Variants in SREK1 observed in about 807,000 individuals in gnomAD.
The protein encoded by SREK1 is splicing regulatory glutamine/lysine-rich protein 1.
Under a neutral mutation model 66.5 loss-of-function variants are expected in SREK1, and 13 were observed. That is an observed-to-expected ratio of 0.20 (90% confidence interval 0.13 to 0.31). The LOEUF is 0.31. Among genes scored for constraint, SREK1 ranks in the 10% least tolerant of loss-of-function variants. SREK1 has a pLI of 1.00. For synonymous variants in SREK1, 265 were observed against 263.5 expected, an observed-to-expected ratio of 1.01 and a Z score of -0.05; for missense variants, 607 against 769.6, an observed-to-expected ratio of 0.79 and a Z score of 2.50.
At position 66,144,531 on chromosome 5, in the gene SREK1, C is replaced by T; in HGVS notation, c.155C>T (p.Pro52Leu). The change falls in exon 1 of 12, where the codon CCC (proline) becomes CTC (leucine). Residue 52 changes from proline to leucine, a missense_variant. Around this residue, in one of 5 missense-constraint regions of SREK1, gnomAD observed 75 missense variants for 72.9 expected, o/e 1.03. Coordinates refer to ENST00000334121, the MANE Select transcript of SREK1 (RefSeq NM_001077199.3). ...LGEIEELRLY[P>L]PDNAPLAFSS... is the part of the protein sequence containing the mutation. Reference sequence around the variant, plus strand: ...GAAATCGAGGAGCTGCGGCTCTACCCCCCGGAGTAAGTGCTGGAGCTCGGC... The same window carrying T: ...GAAATCGAGGAGCTGCGGCTCTACCTCCCGGAGTAAGTGCTGGAGCTCGGC... The T allele has an allele frequency of 1.3e-6, 2 of 1,551,998 alleles. No individual in the cohort carries two copies. Among genetic ancestry groups the T allele is most frequent in the Non-Finnish European group, 1.7e-6 (2 of 1,147,224 alleles).
At chr5:66,174,444 A>G (rs1745893149) in intron 9 of SREK1, among the ~76,000 whole-genome samples, 1 of 152,168 alleles carries the variant, frequency 6.6e-6, no homozygotes, top group Admixed American at 6.5e-5. Context: ...ATGCTTTTTA[A>G]GTAGACATTG....
At chr5:66,156,837 C>T (rs1561498706) in intron 2 of SREK1, 1 of 985,110 alleles carries the variant, frequency 1.0e-6, no homozygotes, top group African/African-American at 1.7e-5. Context: ...TTTTTGTTAG[C>T]TTGAATTTTT....
chr5:66,174,700 G>T, intron 9 of SREK1: 1 of 304,072 alleles, frequency 3.3e-6, no homozygotes, highest in Non-Finnish European at 6.0e-6. Flanking sequence ...AAAAGGAGGA[G>T]GTCTTCTACT....
intron 1 of SREK1, among the ~76,000 whole-genome samples, chr5:66,148,304 A>G (rs776570630): frequency 4.6e-5 from 7 of 150,970 alleles, no homozygotes; most frequent in Non-Finnish European, 1.0e-4. Context: ...TCTGTCCTCT[A>G]AAGGATGTGT....
At chr5:66,160,140 G>A (rs1371661330) in intron 3 of SREK1, among the ~76,000 whole-genome samples, 1 of 151,646 alleles carries the variant, frequency 6.6e-6, no homozygotes, top group Admixed American at 6.6e-5. Context: ...AAAAAAAAAG[G>A]GTATATTACT....
intron 2 of SREK1, chr5:66,156,592 T>TA: frequency 4.1e-6 from 4 of 968,680 alleles, no homozygotes; most frequent in Non-Finnish European, 4.9e-6. Context: ...TTTTCCCCCC[T>TA]AGTCTACATC....
intron 7 of SREK1, chr5:66,168,372 TA>T (rs751499106): frequency 6.6e-5 from 10 of 152,188 alleles, no homozygotes; most frequent in Non-Finnish European, 1.5e-4. Flanking sequence ...TTTTTTCTTT[TA>T]TTTTTTTGCG....
chr5:66,173,913 T>C (rs771190455), intron 9 of SREK1, among the ~76,000 whole-genome samples: 6 of 152,154 alleles, frequency 3.9e-5, no homozygotes, highest in Admixed American at 1.3e-4. Flanking sequence ...GAGTCTTAGG[T>C]AGAGGTAGAA....
chr5:66,164,810 G>A lies in SREK1; in HGVS notation c.914G>A (p.Gly305Asp), dbSNP rs1171351786. 6.2e-7 allele frequency: 1 copy of A among 1,614,052 alleles called. No homozygotes were observed. Among genetic ancestry groups the A allele is most frequent in the Admixed American group, 1.7e-5 (1 of 60,008 alleles). Residue 305 changes from glycine (G) to aspartate (D), a missense_variant, in exon 7 of 12, where the codon GGC becomes GAC. Around this residue, in one of 5 missense-constraint regions of SREK1, gnomAD observed 112 missense variants for 168.6 expected, o/e 0.66. Transcript: ENST00000334121. ...TCTGGAAAGAGCAATGAAAGAAAAG[G>A]CGGTCGATCTCGTTCCCATACTCGC... The part of the protein sequence containing the change: ...PESGKSNERK[G>D]GRSRSHTRSK...
At chr5:66,171,835 T>C (rs1376971296) in intron 9 of SREK1, among the ~76,000 whole-genome samples, 3 of 152,252 alleles carry the variant, frequency 2.0e-5, no homozygotes, top group Non-Finnish European at 4.4e-5. Flanking sequence ...CCAGACATGA[T>C]GTCAGTAGAC....
intron 3 of SREK1, among the ~76,000 whole-genome samples, chr5:66,160,437 T>TG (rs1367110653): frequency 6.6e-6 from 1 of 152,170 alleles, no homozygotes; most frequent in African/African-American, 2.4e-5. Context: ...TTCTGATTCT[T>TG]GGGGGGAAAT....
Position 66,153,605 on chromosome 5 carries a change from C to T in SREK1, c.295+9C>T. On this transcript the variant is annotated intron_variant, in intron 2 of 11. Coordinates refer to ENST00000334121, the MANE Select transcript of SREK1 (RefSeq NM_001077199.3). ...TGTTCCTTGTGCAGAAGGTTGGTAT[C>T]TCGCTTTTTTTCCTCTTATTTGAAT... 6.2e-7 allele frequency: 1 copy of T among 1,613,790 alleles called. No homozygotes were observed. The highest frequency in any genetic ancestry group is 1.1e-5 in the South Asian group (1 of 91,036).
intron 1 of SREK1, among the ~76,000 whole-genome samples, chr5:66,151,834 C>CTTTTTTTTT (rs60920757): frequency 1.2e-5 from 1 of 84,780 alleles, no homozygotes; most frequent in African/African-American, 4.2e-5. Flanking sequence ...GAGGTACATC[C>CTTTTTTTTT]TTTTTTTTTT....
At chr5:66,176,573 G>A (rs1358432342) in intron 10 of SREK1, among the ~76,000 whole-genome samples, 1 of 152,130 alleles carries the variant, frequency 6.6e-6, no homozygotes, top group Non-Finnish European at 1.5e-5. Flanking sequence ...CGTCTGTCCA[G>A]GAATATGGTG....
intron 8 of SREK1, among the ~76,000 whole-genome samples, 167 bp downstream of exon 8, chr5:66,170,337 G>T (rs1375870999): frequency 6.6e-6 from 1 of 152,112 alleles, no homozygotes; most frequent in Non-Finnish European, 1.5e-5. Context: ...GATTAATATT[G>T]ATTGCCAGTG....
Position 66,170,807 on chromosome 5 carries a change from G to C in SREK1, c.1344G>C (p.Glu448Asp), listed in dbSNP as rs1745583871. 1 of 1,611,960 alleles carries C rather than the reference G, an allele frequency of 6.2e-7. No homozygotes were observed. Among genetic ancestry groups the C allele is most frequent in the East Asian group, 2.2e-5 (1 of 44,806 alleles). Residue 448 changes from glutamate (E) to aspartate (D), a missense_variant, in exon 9 of 12, where the codon GAG becomes GAC. This residue lies in a region of SREK1 where 318 missense variants were observed against 310.3 expected (regional missense o/e 1.02). Transcript: ENST00000334121. ...AGCATGAGAAGGATCGAGACAAAGA[G>C]AAGGAAAAGGAACAGGACAAAGAAA... ...EKEHEKDRDK[E>D]KEKEQDKEKE...
intron 6 of SREK1, 112 bp from the exon 7 acceptor site, chr5:66,164,671 A>G (rs1043208840): frequency 2.5e-6 from 4 of 1,598,472 alleles, no homozygotes; most frequent in African/African-American, 1.3e-5. Context: ...AGGAGGATGT[A>G]CAGAGAGTAG....
chr5:66,144,815 A>C, intron 1 of SREK1: 1 of 1,146,282 alleles, frequency 8.7e-7, no homozygotes, highest in Admixed American at 4.8e-5. Context: ...TGGGTCTTCG[A>C]ATTCCGTGCC....
Position 66,164,861 on chromosome 5 carries a change from C to G in SREK1, c.965C>G (p.Ser322Cys). Residue 322 changes from serine (S) to cysteine (C), a missense_variant, in exon 7 of 12, where the codon TCC becomes TGC. This residue lies in a region of SREK1 where 112 missense variants were observed against 168.6 expected (regional missense o/e 0.66). Transcript: ENST00000334121. ...TCAAAATCCAGGTCTAGCTCAAAAT[C>G]CCATTCTAGAAGGAAAAGATCACAA... ...TRSKSRSSSK[S>C]HSRRKRSQSK... The G allele has an allele frequency of 6.2e-7, 1 of 1,613,944 alleles. No individual in the cohort carries two copies. Among genetic ancestry groups the G allele is most frequent in the Non-Finnish European group, 8.5e-7 (1 of 1,179,860 alleles).
Sources: allele counts gnomAD v4.1 joint callset (sites outside exome capture counted in the v4.1 genomes callset), GRCh38; gene constraint gnomAD v4.1.1; regional missense constraint gnomAD v4.1.1; transcripts MANE v1.5; gene names NCBI Gene and HGNC (gene_info 2026-07-23, HGNC 2026-07-21).